The following ANO6 variants were observed in gnomAD, a reference collection of about 807,000 sequenced individuals.
ANO6 encodes the protein anoctamin 6, also known as anoctamin-6.
Under a neutral mutation model 117.5 loss-of-function variants are expected in ANO6, and 106 were observed. That is an observed-to-expected ratio of 0.90 (90% CI 0.77 to 1.06). ANO6 has a LOEUF of 1.06. ANO6 is among the 50% of genes least tolerant of loss of function. The probability of loss-of-function intolerance (pLI) is 0.00; values close to 1 mark genes in which losing one functional copy is unlikely to be tolerated. For missense variants in ANO6, 955 were observed against 1,121.1 expected (o/e 0.85, Z 2.12); for synonymous variants, 367 against 385.1 (o/e 0.95, Z 0.55).
intron 1 of ANO6, among the ~76,000 whole-genome samples, chr12:45,265,728 C>T (rs1278156315): frequency 6.6e-6 from 1 of 152,138 alleles, no homozygotes; most frequent in Admixed American, 6.5e-5. Context: ...GAAACACCTT[C>T]GTAGACTCTA....
At chr12:45,366,973 TTTTTG>T (rs575626566) in intron 8 of ANO6, among the ~76,000 whole-genome samples, 5 of 152,090 alleles carry the variant, frequency 3.3e-5, no homozygotes, top group East Asian at 1.9e-4. Context: ...ACTGAACTTA[TTTTTG>T]TTTTGTTTTG....
chr12:45,282,656 G>A (rs1022079029), intron 1 of ANO6, among the ~76,000 whole-genome samples: 6 of 152,224 alleles, frequency 3.9e-5, no homozygotes, highest in Non-Finnish European at 8.8e-5. Context: ...GACCTTATCA[G>A]TAGTAGTAAG....
chr12:45,432,041 G>T lies in ANO6; in HGVS notation c.*2730G>T. 2.0e-6 allele frequency: 2 copies of T among 985,238 alleles called. No homozygotes were observed. The allele number at this position is 985,238 out of a possible 1,614,324, so 61.0% of individuals were successfully genotyped here. On this transcript the variant is annotated 3_prime_UTR_variant, in exon 20 of 20. Transcript: ENST00000320560. ...TCACCAAAGTCTTCCCTTTTTTATT[G>T]CATGTGTGCCTTGAATTTCATAAAA...
chr12:45,216,479 C>G (rs1220296936), intron 1 of ANO6, 88 bp downstream of exon 1: 3 of 1,466,360 alleles, frequency 2.0e-6, no homozygotes, highest in Non-Finnish European at 2.8e-6. Flanking sequence ...CTGTGCTCTC[C>G]GCGGGGGAGG....
intron 1 of ANO6, chr12:45,270,488 T>C (rs1268101378): frequency 1.4e-6 from 2 of 1,458,824 alleles, no homozygotes; most frequent in Non-Finnish European, 9.2e-7. Flanking sequence ...CAGGAGGCCT[T>C]TTCTGACTCC....
At chr12:45,396,229 A>C (rs1942608701) in intron 12 of ANO6, among the ~76,000 whole-genome samples, 1 of 152,186 alleles carries the variant, frequency 6.6e-6, no homozygotes, top group South Asian at 2.1e-4. Flanking sequence ...TCATGAGTGA[A>C]CTCCCATTCA....
intron 1 of ANO6, among the ~76,000 whole-genome samples, chr12:45,265,234 T>C (rs974377201): frequency 5.9e-5 from 9 of 152,204 alleles, no homozygotes; most frequent in African/African-American, 1.9e-4. Context: ...TTAAAGATCA[T>C]TTCAGACATC....
At chr12:45,394,615 G>A (rs780729631) in intron 12 of ANO6, among the ~76,000 whole-genome samples, 1 of 152,212 alleles carries the variant, frequency 6.6e-6, no homozygotes, top group Non-Finnish European at 1.5e-5. Context: ...CTCAGCAAAT[G>A]TGAAAGAACA....
At chr12:45,240,079 G>A (rs930686871) in intron 1 of ANO6, among the ~76,000 whole-genome samples, 1 of 152,148 alleles carries the variant, frequency 6.6e-6, no homozygotes, top group African/African-American at 2.4e-5. Context: ...GGATATCCTT[G>A]TTAACCTTCG....
chr12:45,229,995 C>T (rs185262152), intron 1 of ANO6, among the ~76,000 whole-genome samples: 1 of 152,014 alleles, frequency 6.6e-6, no homozygotes, highest in East Asian at 1.9e-4. Flanking sequence ...CAGTGAAAGC[C>T]TTCCAATAAT....
At chr12:45,269,279 T>C (rs1230546350) in intron 1 of ANO6, among the ~76,000 whole-genome samples, 1 of 152,216 alleles carries the variant, frequency 6.6e-6, no homozygotes, top group Non-Finnish European at 1.5e-5. Flanking sequence ...GAGAGTTCAT[T>C]TTCACCTGGG....
chr12:45,259,328 T>A (rs913277894), intron 1 of ANO6, among the ~76,000 whole-genome samples: 1 of 152,224 alleles, frequency 6.6e-6, no homozygotes, highest in African/African-American at 2.4e-5. Context: ...GTATGTAATA[T>A]TTTGCATTTA....
chr12:45,246,732 G>A (rs1013570579), intron 1 of ANO6, among the ~76,000 whole-genome samples: 18 of 150,484 alleles, frequency 1.2e-4, no homozygotes, highest in African/African-American at 4.4e-4. Context: ...TAGACCAGAT[G>A]ACTTCACATG....
At chr12:45,367,330 T>C (rs1220189490) in intron 8 of ANO6, among the ~76,000 whole-genome samples, 1 of 152,214 alleles carries the variant, frequency 6.6e-6, no homozygotes, top group African/African-American at 2.4e-5. Context: ...GTCTATTAAG[T>C]CATCTATATA....
intron 9 of ANO6, among the ~76,000 whole-genome samples, chr12:45,368,159 G>A (rs1369949367): frequency 6.6e-6 from 1 of 152,200 alleles, no homozygotes; most frequent in African/African-American, 2.4e-5. Context: ...GATCCAAGGT[G>A]TTTTGAATTT....
chr12:45,395,883 T>C (rs1413192677), intron 12 of ANO6, among the ~76,000 whole-genome samples: 2 of 152,182 alleles, frequency 1.3e-5, no homozygotes, highest in African/African-American at 4.8e-5. Flanking sequence ...ACAGCCAATA[T>C]CATACTGAAT....
chr12:45,430,835 C>A lies in ANO6; in HGVS notation c.*1524C>A. 2 of 985,456 alleles carry A rather than the reference C, an allele frequency of 2.0e-6. No individual in the cohort carries two copies. The highest frequency in any genetic ancestry group is 2.4e-6 in the Non-Finnish European group (2 of 830,002). The allele number at this position is 985,456 out of a possible 1,614,324, so 61.0% of individuals were successfully genotyped here. A position where few individuals can be genotyped will look rare whatever the true frequency, so the allele number is the denominator to read the frequency against. On this transcript the variant is annotated 3_prime_UTR_variant, in exon 20 of 20. Coordinates refer to ENST00000320560, the MANE Select transcript of ANO6 (RefSeq NM_001025356.3). ...GACAGGGAGCCAGGCCCTCTCACCC[C>A]TACTGGTAACAGGTCATTGCTGGGT...
chr12:45,400,221 T>C (rs1013573327), intron 12 of ANO6, among the ~76,000 whole-genome samples: 1 of 152,212 alleles, frequency 6.6e-6, no homozygotes, highest in Non-Finnish European at 1.5e-5. Context: ...AATATACATG[T>C]GCTAAGGTGA....
chr12:45,422,826 A>AG, intron 18 of ANO6, 131 bp from the exon 19 acceptor site: 1 of 738,118 alleles, frequency 1.4e-6, no homozygotes, highest in East Asian at 2.6e-5. Flanking sequence ...CACATGCCTC[A>AG]GCCTCCCAAA....
Sources: gnomAD v4.1 joint callset for allele counts (sites outside exome capture counted in the v4.1 genomes callset) on GRCh38, gnomAD v4.1.1 for gene constraint, MANE v1.5 for transcripts, NCBI Gene and HGNC (gene_info 2026-07-23, HGNC 2026-07-21) for gene names.